The following BPIFB4 variants were observed in gnomAD, a reference collection of about 807,000 sequenced individuals.
BPIFB4 encodes BPI fold-containing family B member 4.
In BPIFB4, 62 loss-of-function variants were observed where a neutral mutation model predicts 69.2. The observed-to-expected ratio is 0.90, with a 90% CI of 0.73 to 1.11. The LOEUF (loss-of-function observed/expected upper bound fraction) is 1.11, where lower values mean the gene tolerates loss of function less well. BPIFB4 is among the 50% of genes least tolerant of loss of function. The pLI, the probability that BPIFB4 is intolerant of heterozygous loss-of-function variation, is 0.00. For synonymous variants in BPIFB4, 330 were observed against 332.7 expected, an observed-to-expected ratio of 0.99 and a Z score of 0.09; for missense variants, 789 against 792.0, an observed-to-expected ratio of 1.00 and a Z score of 0.04.
chr20:33,098,744 C>CAA (rs11331998), intron 13 of BPIFB4, among the ~76,000 whole-genome samples: 28 of 107,396 alleles, frequency 2.6e-4, no homozygotes, highest in African/African-American at 6.5e-4. Context: ...GACTCCATCT[C>CAA]AAAAAAAAAA....
chr20:33,110,418 G>T (rs1162754887), intron 17 of BPIFB4, among the ~76,000 whole-genome samples: 1 of 152,192 alleles, frequency 6.6e-6, no homozygotes, highest in African/African-American at 2.4e-5. Context: ...TATTCCTGGA[G>T]GTGTTCACTT....
At position 33,083,600 on chromosome 20, in the gene BPIFB4, G is replaced by T. The variant is rs764578662; in HGVS notation, c.403G>T (p.Gly135Cys). The change falls in exon 5 of 18, where the codon GGC becomes TGC. Residue 135 changes from glycine (G) to cysteine (C), a missense_variant. Coordinates refer to ENST00000375483, the MANE Select transcript of BPIFB4 (RefSeq NM_182519.3). ...CGAGAATGCATATGGAGGCCACAGGGGCCTCGGGCGATACAGGGCAGCACC... is the reference window on the plus strand; with the variant it reads ...CGAGAATGCATATGGAGGCCACAGGTGCCTCGGGCGATACAGGGCAGCACC... ...SAENAYGGHR[G>C]LGRYRAAPVG... The T allele has an allele frequency of 2.5e-6, 4 of 1,614,026 alleles. No individual in the cohort carries two copies. Among genetic ancestry groups the T allele is most frequent in the Non-Finnish European group, 3.4e-6 (4 of 1,179,974 alleles).
At chr20:33,093,155 T>G (rs772930820) in intron 11 of BPIFB4, among the ~76,000 whole-genome samples, 1 of 152,140 alleles carries the variant, frequency 6.6e-6, no homozygotes, top group Non-Finnish European at 1.5e-5. Context: ...TTCACTTAGA[T>G]CCACTAGTTA....
At chr20:33,110,820 T>G (rs1600566910) in intron 17 of BPIFB4, among the ~76,000 whole-genome samples, 2 of 149,934 alleles carry the variant, frequency 1.3e-5, no homozygotes, top group African/African-American at 4.9e-5. Context: ...GAAGTTTTTT[T>G]TTTTTTTTTT....
In BPIFB4 at chr20:33,097,617, G is replaced by C. The variant is rs1335806060; in HGVS notation, c.1399G>C (p.Val467Leu). ...CATCTGGCCTGGTGCCTGCCCACAGGTGTTCCAGCAGTACCCCGAGTCCTG... is the reference window on the plus strand; with the variant it reads ...CATCTGGCCTGGTGCCTGCCCACAGCTGTTCCAGCAGTACCCCGAGTCCTG... Reference protein sequence around the residue: ...TATLGALIPKVFQQYPESCPL... With the variant: ...TATLGALIPKLFQQYPESCPL... The change falls in exon 13 of 18, where the codon GTG (valine) becomes CTG (leucine). Residue 467 changes from valine to leucine, a missense_variant and splice_region_variant. By Grantham distance (32) the Val-to-Leu change is conservative. Coordinates refer to ENST00000375483, the MANE Select transcript of BPIFB4 (RefSeq NM_182519.3). 6.2e-7 allele frequency: 1 copy of C among 1,613,636 alleles called. No individual in the cohort carries two copies. Among genetic ancestry groups the C allele is most frequent in the East Asian group, 2.2e-5 (1 of 44,880 alleles).
intron 17 of BPIFB4, among the ~76,000 whole-genome samples, chr20:33,109,636 T>C (rs1982179699): frequency 6.6e-6 from 1 of 152,226 alleles, no homozygotes; most frequent in Admixed American, 6.5e-5. Flanking sequence ...GTGTGCATAT[T>C]TTCATATCAA....
At chr20:33,110,689 C>G (rs1403046656) in intron 17 of BPIFB4, among the ~76,000 whole-genome samples, 1 of 151,372 alleles carries the variant, frequency 6.6e-6, no homozygotes, top group African/African-American at 2.4e-5. Flanking sequence ...AGAGCTGTCC[C>G]TTCTCTTCCA....
intron 17 of BPIFB4, among the ~76,000 whole-genome samples, chr20:33,109,325 A>G (rs138409665): frequency 1.3e-3 from 203 of 152,254 alleles, no homozygotes; most frequent in African/African-American, 4.6e-3. Flanking sequence ...TCTACTATTT[A>G]CTGAGATGTT....
At chr20:33,110,266 G>A (rs2146419163) in intron 17 of BPIFB4, among the ~76,000 whole-genome samples, 1 of 152,174 alleles carries the variant, frequency 6.6e-6, no homozygotes, top group Middle Eastern at 3.4e-3. Flanking sequence ...GATGAGTCTG[G>A]CCTATTTTGT....
rs1483921177 is a variant in BPIFB4 at position 33,100,942 on chromosome 20, G to A, written c.1637+449G>A. Among the ~76,000 whole-genome samples, 3 of 152,232 alleles carry A rather than the reference G, an allele frequency of 2.0e-5. No individual in the cohort carries two copies. In the East Asian group the frequency reaches 5.8e-4, roughly 29 times the overall value. ...TGGTATCCATGTGCCTGTAATCCCAGCTACTCAGGAGGCTGAGGCAGGAGC... is the reference window on the plus strand; with the variant it reads ...TGGTATCCATGTGCCTGTAATCCCAACTACTCAGGAGGCTGAGGCAGGAGC... On this transcript the variant is annotated intron_variant, in intron 14 of 17. Transcript: ENST00000375483.
chr20:33,106,479 T>A (rs1039150199), intron 16 of BPIFB4, among the ~76,000 whole-genome samples: 1 of 148,572 alleles, frequency 6.7e-6, no homozygotes, highest in Non-Finnish European at 1.5e-5. Flanking sequence ...TTCAAGAGAC[T>A]CCCCTGCCTC....
intron 7 of BPIFB4, among the ~76,000 whole-genome samples, chr20:33,088,508 C>G (rs1482210254): frequency 6.6e-6 from 1 of 152,154 alleles, no homozygotes; most frequent in African/African-American, 2.4e-5. Flanking sequence ...CAGTATTTCT[C>G]CTTCCCTCCC....
At chr20:33,099,303 T>C (rs898353902) in intron 13 of BPIFB4, among the ~76,000 whole-genome samples, 2 of 152,150 alleles carry the variant, frequency 1.3e-5, no homozygotes, top group Non-Finnish European at 2.9e-5. Flanking sequence ...GTGGGGGTTC[T>C]TGTGTGGGCC....
At chr20:33,084,019 AC>A in intron 5 of BPIFB4, 145 bp downstream of exon 5, 2 of 983,374 alleles carry the variant, frequency 2.0e-6, no homozygotes, top group Non-Finnish European at 2.9e-6. Flanking sequence ...AAGTTTTAAG[AC>A]CCCCAAGTTA....
chr20:33,089,610 C>T (rs1443766553), intron 9 of BPIFB4, 52 bp downstream of exon 9: 2 of 1,613,420 alleles, frequency 1.2e-6, no homozygotes, highest in African/African-American at 2.7e-5. Context: ...GGACCGGGCC[C>T]TTTCTGGGAG....
At chr20:33,099,744 C>G (rs540298922) in intron 13 of BPIFB4, among the ~76,000 whole-genome samples, 1 of 152,286 alleles carries the variant, frequency 6.6e-6, no homozygotes, top group Admixed American at 6.5e-5. Flanking sequence ...ACCCCTGGCA[C>G]GTGCACCCAG....
intron 17 of BPIFB4, among the ~76,000 whole-genome samples, chr20:33,108,933 G>GC (rs201877734): frequency 2.9e-4 from 44 of 152,258 alleles, no homozygotes; most frequent in African/African-American, 1.0e-3. Context: ...GAAGGAAATT[G>GC]CCCCCTCACA....
rs1375974735 is a variant in BPIFB4 at position 33,083,572 on chromosome 20, T to A, written c.375T>A (p.Ser125Arg). The change falls in exon 5 of 18, where the codon AGT becomes AGA. Residue 125 changes from serine (S) to arginine (R), a missense_variant. Ser to Arg is a moderately radical substitution (Grantham distance 110). Transcript: ENST00000375483. ...ACCTCCGAAACAGTGGCTATCGCAGTGCCGAGAATGCATATGGAGGCCACA... is the reference window on the plus strand; with the variant it reads ...ACCTCCGAAACAGTGGCTATCGCAGAGCCGAGAATGCATATGGAGGCCACA... Reference protein sequence around the residue: ...IRDLRNSGYRSAENAYGGHRG... With the variant: ...IRDLRNSGYRRAENAYGGHRG... 6.2e-7 allele frequency: 1 copy of A among 1,613,962 alleles called. No homozygotes were observed. Among genetic ancestry groups the A allele is most frequent in the East Asian group, 2.2e-5 (1 of 44,860 alleles).
intron 5 of BPIFB4, among the ~76,000 whole-genome samples, chr20:33,084,211 A>G (rs1426136698): frequency 2.0e-5 from 3 of 152,212 alleles, no homozygotes; most frequent in Non-Finnish European, 4.4e-5. Context: ...CTATACATAT[A>G]TATCATAAGT....
Sources: gnomAD v4.1 joint callset for allele counts (sites outside exome capture counted in the v4.1 genomes callset) on GRCh38, gnomAD v4.1.1 for gene constraint, MANE v1.5 for transcripts, NCBI Gene and HGNC (gene_info 2026-07-23, HGNC 2026-07-21) for gene names.